Variants in MYO5B observed in about 807,000 individuals in gnomAD.
MYO5B encodes the protein unconventional myosin-Vb.
MYO5B carries 143 observed loss-of-function variants against 229.3 expected under a neutral mutation model. That is an observed-to-expected ratio of 0.62 (90% CI 0.54 to 0.72). MYO5B has a LOEUF of 0.72. Among genes scored for constraint, MYO5B ranks in the 30% least tolerant of loss-of-function variants. The probability of loss-of-function intolerance (pLI) is 0.00; values close to 1 mark genes in which losing one functional copy is unlikely to be tolerated. For synonymous variants in MYO5B, 918 were observed against 885.2 expected (o/e 1.04, Z -0.66); for missense variants, 2,321 against 2,331.0 (o/e 1.00, Z 0.09).
At chr18:49,975,886 C>T (rs973794706) in intron 9 of MYO5B, among the ~76,000 whole-genome samples, 9 of 152,188 alleles carry the variant, frequency 5.9e-5, no homozygotes, top group Non-Finnish European at 1.0e-4. Context: ...CCCTCATTTA[C>T]CCAAATACCA....
intron 39 of MYO5B, among the ~76,000 whole-genome samples, chr18:49,833,713 AC>A (rs2023952635): frequency 1.3e-5 from 2 of 152,160 alleles, no homozygotes; most frequent in Non-Finnish European, 2.9e-5. Context: ...GACTTTCTAA[AC>A]TTGCACTTTT....
intron 17 of MYO5B, among the ~76,000 whole-genome samples, chr18:49,915,899 T>C (rs1293317273): frequency 7.2e-5 from 11 of 152,166 alleles, no homozygotes; most frequent in African/African-American, 2.7e-4. Context: ...TAGACACTTA[T>C]CTTGGGGTAA....
At chr18:50,084,451 T>G (rs16951488) in intron 1 of MYO5B, among the ~76,000 whole-genome samples, 16,092 of 152,160 alleles carry the variant, frequency 0.11, 1,645 homozygotes, top group African/African-American at 0.27. Flanking sequence ...CGCTGAGGCA[T>G]CAATTGTTTA....
chr18:49,891,057 G>C (rs115214590), intron 22 of MYO5B, among the ~76,000 whole-genome samples: 1 of 152,108 alleles, frequency 6.6e-6, no homozygotes, highest in Non-Finnish European at 1.5e-5. Context: ...GGTCAAGGCC[G>C]CGCTTGAAGT....
intron 39 of MYO5B, among the ~76,000 whole-genome samples, chr18:49,830,581 C>G (rs2023903885): frequency 1.3e-5 from 2 of 152,126 alleles, no homozygotes; most frequent in African/African-American, 4.8e-5. Context: ...GGTGCAATGG[C>G]TCATGCCTGC....
intron 12 of MYO5B, among the ~76,000 whole-genome samples, chr18:49,957,616 C>T (rs556085315): frequency 2.9e-4 from 44 of 150,472 alleles, no homozygotes; most frequent in Admixed American, 7.3e-4. Context: ...CCACTGTACT[C>T]CAGCCTGGGT....
intron 1 of MYO5B, among the ~76,000 whole-genome samples, chr18:50,129,149 G>A (rs145680726): frequency 6.6e-5 from 10 of 152,232 alleles, no homozygotes; most frequent in Non-Finnish European, 8.8e-5. Context: ...CCTGATGGAC[G>A]GAGAGGGATG....
intron 14 of MYO5B, 78 bp downstream of exon 14, chr18:49,953,182 G>A: frequency 7.5e-7 from 1 of 1,331,214 alleles, no homozygotes; most frequent in Non-Finnish European, 1.1e-6. Context: ...TCCACCCCAA[G>A]GAGGTTGCAT....
intron 5 of MYO5B, among the ~76,000 whole-genome samples, chr18:49,998,194 C>T (rs770386206): frequency 1.2e-4 from 18 of 152,174 alleles, no homozygotes; most frequent in Admixed American, 2.6e-4. Context: ...AAACATAACA[C>T]TTAATGACAG....
chr18:49,936,707 G>A (rs916004185), intron 15 of MYO5B, among the ~76,000 whole-genome samples: 8 of 152,100 alleles, frequency 5.3e-5, no homozygotes, highest in African/African-American at 1.9e-4. Context: ...TGAGGGCCTG[G>A]GACCCTGACA....
chr18:50,018,015 G>A (rs1189285348), intron 4 of MYO5B, among the ~76,000 whole-genome samples: 1 of 152,198 alleles, frequency 6.6e-6, no homozygotes, highest in East Asian at 1.9e-4. Flanking sequence ...ACTCAAATAT[G>A]AGTTAAATGG....
chr18:49,909,419 T>C (rs897429020), intron 18 of MYO5B, among the ~76,000 whole-genome samples: 5 of 152,200 alleles, frequency 3.3e-5, no homozygotes, highest in Non-Finnish European at 7.3e-5. Flanking sequence ...TTGGGCAATT[T>C]ATATCAGCTT....
At chr18:49,918,058 T>A (rs2025036150) in intron 17 of MYO5B, among the ~76,000 whole-genome samples, 1 of 152,192 alleles carries the variant, frequency 6.6e-6, no homozygotes, top group Non-Finnish European at 1.5e-5. Context: ...CTCCTCAGGC[T>A]CAAGGCAGGG....
At chr18:50,132,289 G>C (rs966936661) in intron 1 of MYO5B, among the ~76,000 whole-genome samples, 1 of 152,226 alleles carries the variant, frequency 6.6e-6, no homozygotes. Context: ...CACGTCAAGT[G>C]CTCAAATCTT....
At chr18:49,994,676 A>G in intron 5 of MYO5B, among the ~76,000 whole-genome samples, 1 of 152,168 alleles carries the variant, frequency 6.6e-6, no homozygotes, top group East Asian at 1.9e-4. Flanking sequence ...TCCTCCAACC[A>G]AAGGCGATGG....
chr18:50,127,720 T>C (rs2032188983), intron 1 of MYO5B, among the ~76,000 whole-genome samples: 1 of 152,224 alleles, frequency 6.6e-6, no homozygotes, highest in Non-Finnish European at 1.5e-5. Flanking sequence ...ATGTGGCCAC[T>C]GGGTGCCCAC....
intron 16 of MYO5B, among the ~76,000 whole-genome samples, chr18:49,934,055 T>C (rs186852255): frequency 1.3e-5 from 2 of 152,226 alleles, no homozygotes; most frequent in African/African-American, 2.4e-5. Context: ...TTAAAATTTT[T>C]TGTAGAGGTT....
At chr18:49,858,576 G>A (rs1320883202) in intron 29 of MYO5B, among the ~76,000 whole-genome samples, 2 of 152,194 alleles carry the variant, frequency 1.3e-5, no homozygotes, top group Non-Finnish European at 2.9e-5. Flanking sequence ...CCTCACCTCT[G>A]TCGTCCCCGT....
intron 4 of MYO5B, among the ~76,000 whole-genome samples, chr18:50,007,472 T>C (rs184143654): frequency 1.3e-5 from 2 of 152,310 alleles, no homozygotes; most frequent in East Asian, 3.9e-4. Context: ...TTTCTGAAAA[T>C]GAACATCGGA....
Sources: allele counts gnomAD v4.1 joint callset (sites outside exome capture counted in the v4.1 genomes callset), GRCh38; gene constraint gnomAD v4.1.1; transcripts MANE v1.5; gene names NCBI Gene and HGNC (gene_info 2026-07-23, HGNC 2026-07-21).